Variants in CHLSN observed in about 807,000 individuals in gnomAD.
CHLSN encodes protein cholesin.
chr7:997,636 G>C, the CHLSN span: 1 of 1,605,652 alleles, frequency 6.2e-7, no homozygotes, highest in Non-Finnish European at 8.5e-7. Context: ...TAGGAGAGCA[G>C]CTGCAGCACC....
chr7:1,084,475 G>A, the CHLSN span, among the ~76,000 whole-genome samples: 4 of 152,218 alleles, frequency 2.6e-5, no homozygotes, highest in Non-Finnish European at 5.9e-5. Context: ...AGGTGGATCC[G>A]GCGCGTGGTA....
the CHLSN span, among the ~76,000 whole-genome samples, chr7:1,017,326 G>A: frequency 1.3e-5 from 2 of 152,112 alleles, no homozygotes; most frequent in East Asian, 1.9e-4. Context: ...GTGCCCTGCT[G>A]TGCGGGTGAA....
the CHLSN span, among the ~76,000 whole-genome samples, chr7:1,110,977 C>T: frequency 2.4e-4 from 37 of 152,188 alleles, 1 homozygote; most frequent in African/African-American, 8.4e-4. Context: ...CTCCAGAGGC[C>T]GAGGCAGAGA....
the CHLSN span, among the ~76,000 whole-genome samples, chr7:1,043,091 CAAAAAAAA>C: frequency 1.5e-5 from 2 of 135,198 alleles, no homozygotes; most frequent in East Asian, 4.3e-4. Context: ...ATCTCTACTA[CAAAAAAAA>C]AAAAAAAAAT....
At chr7:1,024,045 C>T in the CHLSN span, among the ~76,000 whole-genome samples, 1 of 152,186 alleles carries the variant, frequency 6.6e-6, no homozygotes, top group Admixed American at 6.5e-5. Flanking sequence ...CAAGGCTGCT[C>T]TCACACTCCT....
At chr7:1,070,211 G>T in the CHLSN span, among the ~76,000 whole-genome samples, 12 of 138,004 alleles carry the variant, frequency 8.7e-5, 1 homozygote, top group East Asian at 1.0e-3. Context: ...CATCTGGGAA[G>T]TGAGGAGCGT....
the CHLSN span, among the ~76,000 whole-genome samples, chr7:1,002,572 T>G: frequency 5.3e-5 from 2 of 37,538 alleles, no homozygotes; most frequent in Non-Finnish European, 5.0e-5. Flanking sequence ...TGCGGGTGAG[T>G]GGAGCCCTGC....
the CHLSN span, among the ~76,000 whole-genome samples, chr7:1,009,066 C>T: frequency 5.9e-5 from 9 of 152,302 alleles, 1 homozygote; most frequent in South Asian, 6.2e-4. Flanking sequence ...TGCACGTGCA[C>T]GCAGCGTGCA....
the CHLSN span, among the ~76,000 whole-genome samples, chr7:1,066,044 C>T: frequency 6.6e-5 from 10 of 152,322 alleles, no homozygotes; most frequent in East Asian, 1.9e-3. Flanking sequence ...GCGGCCGGCA[C>T]GGATGCCTCT....
At chr7:1,033,199 AAG>A in the CHLSN span, among the ~76,000 whole-genome samples, 3 of 152,324 alleles carry the variant, frequency 2.0e-5, no homozygotes, top group African/African-American at 7.2e-5. Context: ...AACATGGAAA[AAG>A]AGTCACACAC....
At chr7:1,011,500 G>C in the CHLSN span, among the ~76,000 whole-genome samples, 353 of 130,350 alleles carry the variant, frequency 2.7e-3, 1 homozygote, top group Admixed American at 6.2e-3. Flanking sequence ...CACACGCCCA[G>C]ACACCCTGAC....
At chr7:1,106,004 G>A in the CHLSN span, among the ~76,000 whole-genome samples, 2 of 152,160 alleles carry the variant, frequency 1.3e-5, no homozygotes, top group African/African-American at 2.4e-5. Flanking sequence ...GAGAGGTGAA[G>A]GGGCAGAGGG....
chr7:1,048,698 G>A, the CHLSN span, among the ~76,000 whole-genome samples: 1 of 152,212 alleles, frequency 6.6e-6, no homozygotes, highest in Non-Finnish European at 1.5e-5. Flanking sequence ...AGATGCCAAC[G>A]TCTCACTTGA....
chr7:981,488 G>A, the CHLSN span, among the ~76,000 whole-genome samples: 5,812 of 151,682 alleles, frequency 0.038, 317 homozygotes, highest in African/African-American at 0.12. Context: ...CGAGGCGGGC[G>A]GATCATGATG....
the CHLSN span, among the ~76,000 whole-genome samples, chr7:1,136,464 A>G: frequency 8.5e-6 from 1 of 117,218 alleles, no homozygotes; most frequent in Non-Finnish European, 1.6e-5. Context: ...ACATATATAA[A>G]CATATATAAA....
chr7:1,008,318 C>T, the CHLSN span, among the ~76,000 whole-genome samples: 4 of 152,348 alleles, frequency 2.6e-5, no homozygotes, highest in African/African-American at 9.6e-5. Context: ...GCGACTGACC[C>T]TGCGGTGGCT....
the CHLSN span, among the ~76,000 whole-genome samples, chr7:1,053,314 G>T: frequency 2.0e-5 from 3 of 152,266 alleles, no homozygotes; most frequent in Admixed American, 2.0e-4. Flanking sequence ...CGACGGCGGG[G>T]GAGGGGCGTC....
chr7:1,032,601 C>T, the CHLSN span, among the ~76,000 whole-genome samples: 157 of 149,206 alleles, frequency 1.1e-3, no homozygotes, highest in African/African-American at 3.6e-3. Flanking sequence ...TGACAGTGGC[C>T]CTCAGAGGCC....
the CHLSN span, among the ~76,000 whole-genome samples, chr7:985,681 G>A: frequency 4.6e-5 from 7 of 152,190 alleles, no homozygotes; most frequent in African/African-American, 9.6e-5. Flanking sequence ...TCCTGCTGAC[G>A]CCCTTTACAG....
Sources: gnomAD v4.1 joint callset for allele counts (sites outside exome capture counted in the v4.1 genomes callset) on GRCh38, gnomAD v4.1.1 for gene constraint, MANE v1.5 for transcripts, NCBI Gene and HGNC (gene_info 2026-07-23, HGNC 2026-07-21) for gene names.